Variants in NDST1 observed in about 807,000 individuals in gnomAD.
The protein encoded by NDST1 is bifunctional heparan sulfate N-deacetylase/N-sulfotransferase 1.
Under a neutral mutation model 92.8 loss-of-function variants are expected in NDST1, and 35 were observed. That is an observed-to-expected ratio of 0.38 (90% confidence interval 0.29 to 0.50). The LOEUF is 0.50. NDST1 is among the 20% of genes least tolerant of loss of function. NDST1 has a pLI of 0.94. For synonymous variants in NDST1, 493 were observed against 500.3 expected (o/e 0.99, Z 0.19); for missense variants, 822 against 1,182.7 (o/e 0.69, Z 4.47).
chr5:150,515,079 C>T (rs571521948), intron 1 of NDST1, among the ~76,000 whole-genome samples: 2 of 152,318 alleles, frequency 1.3e-5, no homozygotes, highest in South Asian at 2.1e-4. Flanking sequence ...CAGGAATGCC[C>T]CCAGTTTACT....
rs1337937429 is a variant in NDST1, at chr5:150,557,759, A to G, written c.*4427A>G. ...CCCTTGCCAGCTCAGACGGCTGGCG[A>G]GTTTTCAGCTTCCCTAAGGGACTGG... is the stretch of plus-strand genomic sequence containing the variant. On this transcript the variant is annotated 3_prime_UTR_variant, in exon 15 of 15. Transcript: ENST00000261797. This position sits in a 1 kb window ranked among gnomAD's most constrained non-coding sequence, Gnocchi z 4.7. 6.6e-6 allele frequency: 1 copy of G among 152,506 alleles called. No individual in the cohort carries two copies. The highest frequency in any genetic ancestry group is 6.5e-5 in the Admixed American group (1 of 15,282). The allele number at this position is 152,506 out of a possible 1,614,324, so 9.4% of individuals were successfully genotyped here. A position where few individuals can be genotyped will look rare whatever the true frequency, so the allele number is the denominator to read the frequency against.
intron 1 of NDST1, among the ~76,000 whole-genome samples, chr5:150,508,641 A>G (rs1353410005): frequency 2.0e-5 from 3 of 152,146 alleles, no homozygotes; most frequent in Non-Finnish European, 2.9e-5. Context: ...TGAAATGGTG[A>G]GATCCCAGGG....
intron 5 of NDST1, 144 bp from the exon 6 acceptor site, chr5:150,535,556 A>T: frequency 8.3e-7 from 1 of 1,211,358 alleles, no homozygotes; most frequent in Non-Finnish European, 1.2e-6. Context: ...CCCAGGCCTC[A>T]GCTTCCCATC....
At chr5:150,523,213 A>G (rs867315693) in intron 2 of NDST1, among the ~76,000 whole-genome samples, 6 of 152,196 alleles carry the variant, frequency 3.9e-5, no homozygotes, top group Admixed American at 1.3e-4. Context: ...TCTTTTACAG[A>G]GCACCCTCAG....
rs535144321 is a variant in NDST1, at chr5:150,509,218, G to A, written c.-388+992G>A. ...CAGGGTGTATCTGAGGCCTGGAGTC[G>A]GGCATGCGGGAGGGTGGGGGCTAGT... On this transcript the variant is annotated intron_variant, in intron 1 of 14. Coordinates refer to ENST00000261797, the MANE Select transcript of NDST1 (RefSeq NM_001543.5). Among the ~76,000 whole-genome samples the A allele has an allele frequency of 3.9e-4, 59 of 152,322 alleles. No homozygotes were observed. In the Middle Eastern group the frequency reaches 0.014, roughly 35 times the overall value.
chr5:150,534,767 TG>T, intron 4 of NDST1, 99 bp from the exon 5 acceptor site: 2 of 1,473,150 alleles, frequency 1.4e-6, no homozygotes, highest in South Asian at 1.1e-5. Context: ...AGGCAGCTCC[TG>T]GGTGGGCTCT....
upstream of NDST1, among the ~76,000 whole-genome samples, chr5:150,504,989 C>T (rs1036947217): frequency 6.6e-6 from 1 of 152,194 alleles, no homozygotes; most frequent in African/African-American, 2.4e-5. Context: ...AGCCACTTAT[C>T]CTCTGGAAAC....
upstream of NDST1, chr5:150,507,515 G>T (rs1753514509): frequency 6.6e-6 from 1 of 152,272 alleles, no homozygotes; most frequent in South Asian, 2.1e-4. Context: ...GCACTTTGAG[G>T]CTCCAGCATG....
chr5:150,527,437 C>T (rs1202188610), intron 2 of NDST1, among the ~76,000 whole-genome samples: 8 of 152,180 alleles, frequency 5.3e-5, no homozygotes, highest in African/African-American at 1.2e-4. Flanking sequence ...TGCCCAAAGT[C>T]AGGCAGTCTA....
Position 150,512,953 on chromosome 5 carries a change from AG to A in NDST1, c.-388+4728del, listed in dbSNP as rs375113229. Among the ~76,000 whole-genome samples, 24 of 152,354 alleles carry A rather than the reference AG, an allele frequency of 1.6e-4. No homozygotes were observed. In the East Asian group the frequency reaches 4.1e-3, roughly 26 times the overall value. On this transcript the variant is annotated intron_variant, in intron 1 of 14. Transcript: ENST00000261797. Reference sequence around the variant, plus strand: ...GCACCCGGGAATTACCTGTAATCCCAGCACTTTGGGAAGCCAAGGCAGGAGG... The same window carrying A: ...GCACCCGGGAATTACCTGTAATCCCACACTTTGGGAAGCCAAGGCAGGAGG...
At position 150,502,733 on chromosome 5, in the gene NDST1, A is replaced by G. The variant is rs373110977; in HGVS notation, c.-388+4494A>G. Among the ~76,000 whole-genome samples, 3 of 147,002 alleles carry G rather than the reference A, an allele frequency of 2.0e-5. No individual in the cohort carries two copies. The South Asian group carries it at 6.9e-4, about 34-fold the overall frequency. On this transcript the variant is annotated intron_variant, in intron 1 of 1. Coordinates refer to the NDST1 transcript ENST00000518299. Reference sequence around the variant, plus strand: ...GGAAAAAGGCAGATTCTGAAGCCTCATTGTCACTGTGATGGTCCTAGCCTT... The same window carrying G: ...GGAAAAAGGCAGATTCTGAAGCCTCGTTGTCACTGTGATGGTCCTAGCCTT...
chr5:150,500,420 T>C (rs1364733779), intron 1 of NDST1, among the ~76,000 whole-genome samples: 1 of 152,238 alleles, frequency 6.6e-6, no homozygotes, highest in African/African-American at 2.4e-5. Flanking sequence ...GGGCTACTCT[T>C]TTGCCCCCTG....
At chr5:150,545,947 G>A (rs1365781594) in intron 11 of NDST1, among the ~76,000 whole-genome samples, 1 of 150,988 alleles carries the variant, frequency 6.6e-6, no homozygotes, top group East Asian at 1.9e-4. Context: ...TGGAGAGGGT[G>A]TGGATCCAAG....
chr5:150,515,614 C>T (rs1386744725), intron 1 of NDST1, among the ~76,000 whole-genome samples: 3 of 152,180 alleles, frequency 2.0e-5, no homozygotes, highest in Admixed American at 6.5e-5. Context: ...ATGGGAATTT[C>T]ATCAGCAAAA....
rs1045538 is a variant in NDST1, at chr5:150,553,372, G to A, written c.*40G>A. On this transcript the variant is annotated 3_prime_UTR_variant, in exon 15 of 15. Coordinates refer to ENST00000261797, the MANE Select transcript of NDST1 (RefSeq NM_001543.5). This position sits in a 1 kb window ranked among gnomAD's most constrained non-coding sequence, Gnocchi z 4.2. ...GCCAGACTGAACGTTTGTGAAAGCT[G>A]GGACATCCCACCACACGCTGAGCCA... 42,287 of 1,606,614 alleles carry A rather than the reference G, an allele frequency of 0.026. 1,649 individuals carry two copies. Among genetic ancestry groups the A allele is most frequent in the East Asian group, 0.19 (8,286 of 44,420 alleles).
chr5:150,542,726 G>A lies in NDST1; in HGVS notation c.1847-122G>A, dbSNP rs531457847. The A allele has an allele frequency of 3.6e-5, 46 of 1,283,224 alleles. No individual in the cohort carries two copies. The East Asian group carries it at 9.8e-4, about 27-fold the overall frequency. 79.5% of individuals were successfully genotyped at this position (1,283,224 alleles called of 1,614,324 possible). A position where few individuals can be genotyped will look rare whatever the true frequency, so the allele number is the denominator to read the frequency against. ...TGCACAGATGAAGAAGCTAAGACCAGAGAAAGGCAGAGACCTTCCCAGGAG... is the reference window on the plus strand; with the variant it reads ...TGCACAGATGAAGAAGCTAAGACCAAAGAAAGGCAGAGACCTTCCCAGGAG... On this transcript the variant is annotated intron_variant, in intron 9 of 14. Coordinates refer to ENST00000261797, the MANE Select transcript of NDST1 (RefSeq NM_001543.5).
chr5:150,539,952 C>T (rs898712750), intron 7 of NDST1, 130 bp from the exon 8 acceptor site: 45 of 1,300,540 alleles, frequency 3.5e-5, no homozygotes, highest in Middle Eastern at 4.2e-4. Flanking sequence ...TTGTTGACAG[C>T]GCCAGCGTAA....
intron 9 of NDST1, 120 bp downstream of exon 9, chr5:150,541,786 G>A: frequency 1.1e-6 from 1 of 924,080 alleles, no homozygotes; most frequent in Non-Finnish European, 1.7e-6. Flanking sequence ...TTCCCAGGAA[G>A]TAGGAATGAA....
chr5:150,519,362 C>T lies in NDST1; in HGVS notation c.-387-1506C>T, dbSNP rs551736535. 2.0e-5 allele frequency among the ~76,000 whole-genome samples: 3 copies of T among 151,882 alleles called. No individual in the cohort carries two copies. In the South Asian group the frequency reaches 6.2e-4, roughly 31 times the overall value. On this transcript the variant is annotated intron_variant, in intron 1 of 14. Coordinates refer to ENST00000261797, the MANE Select transcript of NDST1 (RefSeq NM_001543.5). ...CTTTAGCCCTGGCTCTTACACCTTCCATCTAGACCTGGGCAACTCTCCTTC... is the reference window on the plus strand; with the variant it reads ...CTTTAGCCCTGGCTCTTACACCTTCTATCTAGACCTGGGCAACTCTCCTTC...
Sources: allele counts gnomAD v4.1 joint callset (sites outside exome capture counted in the v4.1 genomes callset), GRCh38; gene constraint gnomAD v4.1.1; non-coding constraint Gnocchi (gnomAD v3.1); transcripts MANE v1.5; gene names NCBI Gene and HGNC (gene_info 2026-07-23, HGNC 2026-07-21).